The following AGBL4 variants were observed in gnomAD, a reference collection of about 807,000 sequenced individuals.
The protein encoded by AGBL4 is AGBL carboxypeptidase 4.
AGBL4 carries 58 observed loss-of-function variants against 66.4 expected under a neutral mutation model. The observed-to-expected ratio is 0.87, with a 90% CI of 0.71 to 1.09. AGBL4 has a LOEUF of 1.09. Among genes scored for constraint, AGBL4 ranks in the 50% least tolerant of loss-of-function variants. The pLI, the probability that AGBL4 is intolerant of heterozygous loss-of-function variation, is 0.00. For missense variants in AGBL4, 579 were observed against 631.0 expected (o/e 0.92, Z 0.88); for synonymous variants, 234 against 222.9 (o/e 1.05, Z -0.44).
chr1:49,274,856 T>C (rs976618905), intron 3 of AGBL4, among the ~76,000 whole-genome samples: 4 of 152,198 alleles, frequency 2.6e-5, no homozygotes, highest in East Asian at 1.9e-4. Flanking sequence ...TTTATAACTT[T>C]TTAATTTAAA....
At chr1:49,824,411 C>T (rs1160175836) in intron 2 of AGBL4, among the ~76,000 whole-genome samples, 3 of 152,184 alleles carry the variant, frequency 2.0e-5, no homozygotes, top group Non-Finnish European at 4.4e-5. Flanking sequence ...CAATGCTAAG[C>T]TCTGTGTTTG....
intron 3 of AGBL4, among the ~76,000 whole-genome samples, chr1:49,313,041 C>G (rs1644968897): frequency 6.6e-6 from 1 of 151,822 alleles, no homozygotes; most frequent in Non-Finnish European, 1.5e-5. Flanking sequence ...CAACCCCCAA[C>G]AGGCCCCAGT....
At chr1:49,162,152 A>C (rs1646552724) in intron 4 of AGBL4, among the ~76,000 whole-genome samples, 1 of 152,204 alleles carries the variant, frequency 6.6e-6, no homozygotes, top group African/African-American at 2.4e-5. Flanking sequence ...GTCTGCAATC[A>C]ATAAACACTG....
At chr1:50,005,383 A>G (rs1484204110) in intron 1 of AGBL4, among the ~76,000 whole-genome samples, 1 of 152,120 alleles carries the variant, frequency 6.6e-6, no homozygotes, top group African/African-American at 2.4e-5. Flanking sequence ...TATCCAAAAC[A>G]ACCAAGATGG....
chr1:48,930,759 CCAT>C (rs1384062731), intron 5 of AGBL4, among the ~76,000 whole-genome samples: 1 of 152,144 alleles, frequency 6.6e-6, no homozygotes, highest in Non-Finnish European at 1.5e-5. Flanking sequence ...TAATCTAACT[CCAT>C]CACTCTACAA....
intron 4 of AGBL4, chr1:49,174,962 A>T (rs1218756824): frequency 2.0e-5 from 3 of 152,122 alleles, no homozygotes; most frequent in Non-Finnish European, 2.9e-5. Flanking sequence ...TCCTTTCAAA[A>T]GATGGAAGAA....
At chr1:49,327,906 A>G (rs1313724708) in intron 3 of AGBL4, among the ~76,000 whole-genome samples, 1 of 152,214 alleles carries the variant, frequency 6.6e-6, no homozygotes, top group Admixed American at 6.5e-5. Flanking sequence ...CAGCATGTCA[A>G]GGTAATATCC....
At chr1:48,725,652 G>A (rs943282605) in intron 6 of AGBL4, among the ~76,000 whole-genome samples, 1 of 152,204 alleles carries the variant, frequency 6.6e-6, no homozygotes, top group Non-Finnish European at 1.5e-5. Flanking sequence ...TCACAGACCT[G>A]AGTTCTGATC....
At chr1:48,778,094 G>T (rs1645181753) in intron 6 of AGBL4, among the ~76,000 whole-genome samples, 1 of 152,090 alleles carries the variant, frequency 6.6e-6, no homozygotes, top group African/African-American at 2.4e-5. Flanking sequence ...ACTTGACAGG[G>T]AGTTAATGAA....
intron 4 of AGBL4, among the ~76,000 whole-genome samples, chr1:49,127,589 C>A (rs1191682725): frequency 6.6e-6 from 1 of 151,988 alleles, no homozygotes; most frequent in Non-Finnish European, 1.5e-5. Context: ...AAAGTGCATA[C>A]AAGGGTAAAA....
At chr1:48,825,335 G>A (rs773229807) in intron 6 of AGBL4, among the ~76,000 whole-genome samples, 5 of 152,238 alleles carry the variant, frequency 3.3e-5, no homozygotes, top group African/African-American at 1.2e-4. Flanking sequence ...TCCCTGAACT[G>A]TCCTGATGGT....
At chr1:49,997,831 A>C (rs367910991) in intron 1 of AGBL4, among the ~76,000 whole-genome samples, 83 of 152,302 alleles carry the variant, frequency 5.4e-4, no homozygotes, top group African/African-American at 1.9e-3. Context: ...AGTAAATTTA[A>C]GAAAATCAAA....
intron 1 of AGBL4, among the ~76,000 whole-genome samples, chr1:49,974,601 A>G (rs1658409030): frequency 6.6e-6 from 1 of 152,164 alleles, no homozygotes; most frequent in African/African-American, 2.4e-5. Context: ...CTGATGATCT[A>G]GCATTCTATT....
chr1:48,802,512 T>C (rs1045928082), intron 6 of AGBL4, among the ~76,000 whole-genome samples: 1 of 152,200 alleles, frequency 6.6e-6, no homozygotes, highest in African/African-American at 2.4e-5. Flanking sequence ...ACCTGGTACA[T>C]TGGAAGCTCT....
At chr1:48,694,225 C>A (rs889698841) in intron 6 of AGBL4, among the ~76,000 whole-genome samples, 1 of 151,814 alleles carries the variant, frequency 6.6e-6, no homozygotes, top group Non-Finnish European at 1.5e-5. Flanking sequence ...AGCAGAGAAA[C>A]GGTGGTGGGT....
intron 2 of AGBL4, among the ~76,000 whole-genome samples, chr1:49,788,656 A>G (rs1435465826): frequency 6.6e-6 from 1 of 152,184 alleles, no homozygotes; most frequent in Non-Finnish European, 1.5e-5. Flanking sequence ...AAATGGGCTG[A>G]AAAACAGATT....
At chr1:49,073,207 G>A (rs1239830270) in intron 4 of AGBL4, among the ~76,000 whole-genome samples, 1 of 152,022 alleles carries the variant, frequency 6.6e-6, no homozygotes. Flanking sequence ...CTTTAGTTCG[G>A]AGGAGTTTGT....
chr1:48,576,799 A>G (rs998201832), intron 11 of AGBL4, among the ~76,000 whole-genome samples: 1 of 152,206 alleles, frequency 6.6e-6, no homozygotes, highest in Non-Finnish European at 1.5e-5. Context: ...CTGTGAATGC[A>G]GCCAAAATCA....
At chr1:49,271,127 T>C (rs1644048628) in intron 3 of AGBL4, among the ~76,000 whole-genome samples, 1 of 152,336 alleles carries the variant, frequency 6.6e-6, no homozygotes, top group Admixed American at 6.5e-5. Context: ...TTGATATTTA[T>C]GTAACTTTTT....
Sources: allele counts gnomAD v4.1 joint callset (sites outside exome capture counted in the v4.1 genomes callset), GRCh38; gene constraint gnomAD v4.1.1; transcripts MANE v1.5; gene names NCBI Gene and HGNC (gene_info 2026-07-23, HGNC 2026-07-21).